Variants in LRRC7 observed in about 807,000 individuals in gnomAD.
LRRC7 encodes leucine-rich repeat-containing protein 7.
A neutral mutation model predicts 175.7 loss-of-function variants in LRRC7; 23 were observed. That is an observed-to-expected ratio of 0.13 (90% confidence interval 0.09 to 0.19). LRRC7 has a LOEUF of 0.19. Ranked by LOEUF, LRRC7 falls within the 10% of genes least tolerant of loss-of-function variation. LRRC7 has a pLI of 1.00. For missense variants in LRRC7, 1,354 were observed against 1,904.7 expected, an observed-to-expected ratio of 0.71 and a Z score of 5.38; for synonymous variants, 685 against 680.9, an observed-to-expected ratio of 1.01 and a Z score of -0.09.
chr1:70,001,556 G>A (rs965715252), intron 11 of LRRC7, among the ~76,000 whole-genome samples: 14 of 152,062 alleles, frequency 9.2e-5, no homozygotes, highest in Admixed American at 2.6e-4. Context: ...TCTGTAACTT[G>A]GGGCAATGAA....
chr1:69,995,355 A>C (rs1281696834), intron 11 of LRRC7, among the ~76,000 whole-genome samples: 4 of 151,910 alleles, frequency 2.6e-5, no homozygotes, highest in Non-Finnish European at 5.9e-5. Flanking sequence ...TTTTATTGAG[A>C]TCTTGCCCTA....
intron 1 of LRRC7, among the ~76,000 whole-genome samples, chr1:69,576,348 C>T (rs56845243): frequency 0.074 from 11,270 of 151,878 alleles, 753 homozygotes; most frequent in African/African-American, 0.18. Flanking sequence ...TTGAAATAAA[C>T]GTTTCATTTA....
At chr1:69,612,109 C>T (rs1005945076) in intron 1 of LRRC7, among the ~76,000 whole-genome samples, 1 of 151,950 alleles carries the variant, frequency 6.6e-6, no homozygotes, top group East Asian at 1.9e-4. Flanking sequence ...AGAATAATTC[C>T]TATGCTACCC....
chr1:69,643,584 T>G (rs1350115822), intron 1 of LRRC7, among the ~76,000 whole-genome samples: 7 of 152,128 alleles, frequency 4.6e-5, no homozygotes, highest in Admixed American at 2.0e-4. Flanking sequence ...GAGCAATATG[T>G]CTTATTAACC....
At chr1:70,014,974 CAT>C (rs984420171) in intron 13 of LRRC7, among the ~76,000 whole-genome samples, 2 of 151,986 alleles carry the variant, frequency 1.3e-5, no homozygotes, top group East Asian at 1.9e-4. Context: ...GTTTTGCACT[CAT>C]GTAATTTCAG....
intron 2 of LRRC7, among the ~76,000 whole-genome samples, chr1:69,730,018 C>G (rs529612079): frequency 3.3e-5 from 5 of 152,334 alleles, no homozygotes; most frequent in South Asian, 2.1e-4. Context: ...GGAGGTTGCA[C>G]TCTCTGAAGC....
chr1:70,116,740 T>C (rs1374641252), intron 26 of LRRC7, among the ~76,000 whole-genome samples: 1 of 152,168 alleles, frequency 6.6e-6, no homozygotes, highest in Non-Finnish European at 1.5e-5. Context: ...GAAAGTTTTT[T>C]AAATAGCTTG....
chr1:69,588,505 A>G lies in LRRC7; in HGVS notation c.2+19864A>G, dbSNP rs537035199. 5.9e-5 allele frequency among the ~76,000 whole-genome samples: 9 copies of G among 152,292 alleles called. No homozygotes were observed. In the East Asian group the frequency reaches 1.5e-3, roughly 26 times the overall value. Reference sequence around the variant, plus strand: ...AGTTTTGTAAATTGAATAGATAAATATAAAATAAAACAAATGCAATATAGT... The same window carrying G: ...AGTTTTGTAAATTGAATAGATAAATGTAAAATAAAACAAATGCAATATAGT... On this transcript the variant is annotated intron_variant, in intron 1 of 26. Transcript: ENST00000651989.
chr1:69,980,374 C>G lies in LRRC7; in HGVS notation c.712-5C>G, dbSNP rs777524400. On this transcript the variant is annotated splice_polypyrimidine_tract_variant and splice_region_variant and intron_variant, in intron 8 of 26. Transcript: ENST00000651989. Reference sequence around the variant, plus strand: ...CTCTCTCCTTCCTCCCCACTTCTCTCCCAGCCTGAAGTTCTGGATCAAATA... The same window carrying G: ...CTCTCTCCTTCCTCCCCACTTCTCTGCCAGCCTGAAGTTCTGGATCAAATA... 11 of 1,609,660 alleles carry G rather than the reference C, an allele frequency of 6.8e-6. No homozygotes were observed. Among genetic ancestry groups the G allele is most frequent in the Non-Finnish European group, 7.6e-6 (9 of 1,177,306 alleles).
Position 70,039,089 on chromosome 1 carries a change from C to G in LRRC7, c.3265C>G (p.Pro1089Ala), listed in dbSNP as rs759946531. ...EVKAEKRIPPPFQHNPEYVQQ... is the reference protein window; with the variant it reads ...EVKAEKRIPPAFQHNPEYVQQ... Reference sequence around the variant, plus strand: ...GAAAGCCGAAAAGAGGATACCACCCCCTTTTCAACACAATCCCGAGTACGT... The same window carrying G: ...GAAAGCCGAAAAGAGGATACCACCCGCTTTTCAACACAATCCCGAGTACGT... The change falls in exon 21 of 27, where the codon CCT becomes GCT. Residue 1089 changes from proline (P) to alanine (A), a missense_variant. Pro to Ala is a conservative substitution (Grantham distance 27). Around this residue, in one of 4 missense-constraint regions of LRRC7, gnomAD observed 1,032 missense variants for 1,227.2 expected, o/e 0.84. Coordinates refer to ENST00000651989, the MANE Select transcript of LRRC7 (RefSeq NM_001370785.2). 1.2e-6 allele frequency: 2 copies of G among 1,613,976 alleles called. No individual in the cohort carries two copies. The highest frequency in any genetic ancestry group is 1.3e-5 in the African/African-American group (1 of 74,920).
At position 70,131,644 on chromosome 1, in the gene LRRC7, T is replaced by G. The variant is rs1435495095; in HGVS notation, c.*9757T>G. ...AATTATGTCTTCTTCTCATAAAATT[T>G]TTGATTTAGAAAGATTTAGATAAAG... On this transcript the variant is annotated 3_prime_UTR_variant, in exon 27 of 27. Transcript: ENST00000651989. Among the ~76,000 whole-genome samples, 5 of 152,222 alleles carry G rather than the reference T, an allele frequency of 3.3e-5. No homozygotes were observed. The highest frequency in any genetic ancestry group is 9.6e-5 in the African/African-American group (4 of 41,460).
chr1:70,068,640 G>T (rs1277406989), intron 23 of LRRC7, among the ~76,000 whole-genome samples: 1 of 151,590 alleles, frequency 6.6e-6, no homozygotes, highest in Non-Finnish European at 1.5e-5. Context: ...TTGGTATCAG[G>T]GTAATATTCG....
rs11473590 is a variant in LRRC7, at chr1:69,617,547, T to TAAAAAAAAAAAAAAAAAAA, written c.2+48913_2+48931dup. Among the ~76,000 whole-genome samples the TAAAAAAAAAAAAAAAAAAA allele has an allele frequency of 3.2e-4, 20 of 62,006 alleles. 2 individuals are homozygous for TAAAAAAAAAAAAAAAAAAA. Among genetic ancestry groups the TAAAAAAAAAAAAAAAAAAA allele is most frequent in the Admixed American group, 4.6e-4 (2 of 4,380 alleles). The allele number at this position is 62,006 out of a possible 152,430, so 40.7% of individuals were successfully genotyped here. On this transcript the variant is annotated intron_variant, in intron 1 of 26. Transcript: ENST00000651989. ...GCTGAAGGTTGTTATATACTCACAG[T>TAAAAAAAAAAAAAAAAAAA]AAAAAAAAAAAAAAAAAAAAAAAAA...
chr1:70,049,501 AT>A (rs148067239), intron 22 of LRRC7, among the ~76,000 whole-genome samples: 10,591 of 152,126 alleles, frequency 0.07, 490 homozygotes, highest in Non-Finnish European at 0.099. Context: ...ATTCTGCTGC[AT>A]TTATTATTGG....
intron 1 of LRRC7, among the ~76,000 whole-genome samples, chr1:69,602,249 A>G (rs1557465917): frequency 6.6e-6 from 1 of 151,830 alleles, no homozygotes; most frequent in East Asian, 1.9e-4. Context: ...CATACATTTC[A>G]TTTTTTTTAC....
At chr1:69,580,654 A>G (rs1646160083) in intron 1 of LRRC7, among the ~76,000 whole-genome samples, 1 of 152,198 alleles carries the variant, frequency 6.6e-6, no homozygotes, top group African/African-American at 2.4e-5. Context: ...TCAGTTTAAT[A>G]AATTTTACTA....
intron 5 of LRRC7, among the ~76,000 whole-genome samples, chr1:69,828,142 T>C (rs1286501050): frequency 6.6e-6 from 1 of 152,190 alleles, no homozygotes; most frequent in Non-Finnish European, 1.5e-5. Context: ...TATTCCATTG[T>C]ATGGCTATAA....
At chr1:69,788,222 C>T (rs998188437) in intron 3 of LRRC7, among the ~76,000 whole-genome samples, 3 of 152,148 alleles carry the variant, frequency 2.0e-5, no homozygotes, top group Non-Finnish European at 4.4e-5. Context: ...CAACAGACTC[C>T]ACCAGAACAA....
chr1:69,760,638 A>T (rs1222690321), intron 3 of LRRC7, among the ~76,000 whole-genome samples: 2 of 151,970 alleles, frequency 1.3e-5, no homozygotes, highest in Non-Finnish European at 2.9e-5. Flanking sequence ...ATGCCTCGTT[A>T]TCTTCATTTA....
Sources: gnomAD v4.1 joint callset for allele counts (sites outside exome capture counted in the v4.1 genomes callset) on GRCh38, gnomAD v4.1.1 for gene constraint, gnomAD v4.1.1 regional missense constraint, MANE v1.5 for transcripts, NCBI Gene and HGNC (gene_info 2026-07-23, HGNC 2026-07-21) for gene names.